The following HEATR1 variants were observed in gnomAD, a reference collection of about 807,000 sequenced individuals.
The protein encoded by HEATR1 is HEAT repeat containing 1.
Under a neutral mutation model 248.2 loss-of-function variants are expected in HEATR1, and 77 were observed. The observed-to-expected ratio is 0.31, with a 90% CI of 0.26 to 0.37. HEATR1 has a LOEUF of 0.37. Among genes scored for constraint, HEATR1 ranks in the 10% least tolerant of loss-of-function variants. The probability of loss-of-function intolerance (pLI) is 1.00; values close to 1 mark genes in which losing one functional copy is unlikely to be tolerated. For missense variants in HEATR1, 2,420 were observed against 2,504.9 expected (o/e 0.97, Z 0.72); for synonymous variants, 897 against 923.1 (o/e 0.97, Z 0.51).
chr1:236,583,350 G>A (rs1663804322), intron 17 of HEATR1, among the ~76,000 whole-genome samples, 154 bp from the exon 18 acceptor site: 4 of 152,122 alleles, frequency 2.6e-5, no homozygotes, highest in African/African-American at 9.6e-5. Context: ...TTTTTAAAGA[G>A]GTTTATCACT....
rs777828968 is a variant in HEATR1, at chr1:236,554,587, T to G, written c.6078+11A>C. 6.2e-7 allele frequency: 1 copy of G among 1,609,256 alleles called. No individual in the cohort carries two copies. The highest frequency in any genetic ancestry group is 1.3e-5 in the African/African-American group (1 of 74,704). Reference sequence around the variant, plus strand: ...CTTCCTCAGCAACGAAAGATGATTCTGTTTGGTTACCTGATCCACCAGAGG... The same window carrying G: ...CTTCCTCAGCAACGAAAGATGATTCGGTTTGGTTACCTGATCCACCAGAGG... On this transcript the variant is annotated intron_variant, in intron 42 of 44. Transcript: ENST00000366582.
intron 2 of HEATR1, 92 bp downstream of exon 2, chr1:236,603,862 G>C (rs558550671): frequency 7.4e-7 from 1 of 1,349,794 alleles, no homozygotes; most frequent in Non-Finnish European, 1.0e-6. Context: ...AAGAGGACGG[G>C]ACAGAAGAGA....
intron 16 of HEATR1, 152 bp from the exon 17 acceptor site, chr1:236,585,368 G>T: frequency 1.8e-6 from 1 of 550,708 alleles, no homozygotes; most frequent in Non-Finnish European, 3.0e-6. Context: ...TGATTTCTAA[G>T]TAATTATAAG....
chr1:236,562,960 T>G (rs1663171767), intron 32 of HEATR1, among the ~76,000 whole-genome samples: 1 of 152,210 alleles, frequency 6.6e-6, no homozygotes, highest in African/African-American at 2.4e-5. Flanking sequence ...GACTAATTAG[T>G]TCAGCCAGCC....
At chr1:236,577,675 A>G (rs1663601425) in intron 20 of HEATR1, among the ~76,000 whole-genome samples, 1 of 151,624 alleles carries the variant, frequency 6.6e-6, no homozygotes, top group Admixed American at 6.6e-5. Flanking sequence ...TTTAGTAGAG[A>G]CGGGGTTTCT....
intron 10 of HEATR1, among the ~76,000 whole-genome samples, 191 bp from the exon 11 acceptor site, chr1:236,592,301 T>G (rs1337411666): frequency 1.3e-5 from 2 of 152,162 alleles, no homozygotes; most frequent in South Asian, 2.1e-4. Flanking sequence ...AATAACAAAA[T>G]AGTCTCTCTA....
Position 236,595,428 on chromosome 1 carries a change from A to T in HEATR1, c.1090+112T>A. The T allele has an allele frequency of 2.3e-6, 2 of 876,782 alleles. 1 individual carries two copies. The allele number at this position is 876,782 out of a possible 1,614,324, so 54.3% of individuals were successfully genotyped here. A position where few individuals can be genotyped will look rare whatever the true frequency, so the allele number is the denominator to read the frequency against. On this transcript the variant is annotated intron_variant, in intron 8 of 44. Coordinates refer to ENST00000366582, the MANE Select transcript of HEATR1 (RefSeq NM_018072.6). ...TAAGAAATAGACAAGTTACACAAGA[A>T]CAACTGGAAAACAGAAATTTTAAAT... is the stretch of plus-strand genomic sequence containing the variant.
chr1:236,570,657 T>G (rs1663402817), intron 28 of HEATR1, among the ~76,000 whole-genome samples: 1 of 152,170 alleles, frequency 6.6e-6, no homozygotes, highest in Non-Finnish European at 1.5e-5. Flanking sequence ...GCATCTGAAC[T>G]ATATTTCAAT....
chr1:236,585,128 G>C lies in HEATR1; in HGVS notation c.2138C>G (p.Ser713Cys), dbSNP rs376992643. The C allele has an allele frequency of 1.3e-5, 21 of 1,614,032 alleles. No individual in the cohort carries two copies. Among genetic ancestry groups the C allele is most frequent in the Non-Finnish European group, 1.8e-5 (21 of 1,179,942 alleles). The change falls in exon 17 of 45, where the codon TCT (serine) becomes TGT (cysteine). Residue 713 changes from serine to cysteine, a missense_variant. Ser to Cys is a moderately radical substitution (Grantham distance 112). Transcript: ENST00000366582. ...GGTTTCTTTTAAAGATGAACAACAA[G>C]AGACGAGCACAGACAGGATCACATG... is the stretch of plus-strand genomic sequence containing the variant. ...TFHVILSVLVSCCSSLKETHF... is the reference protein window; with the variant it reads ...TFHVILSVLVCCCSSLKETHF...
intron 20 of HEATR1, 38 bp downstream of exon 20, chr1:236,581,184 T>C (rs559675033): frequency 2.0e-6 from 3 of 1,486,944 alleles, no homozygotes; most frequent in East Asian, 2.3e-5. Flanking sequence ...GCATGAACAG[T>C]TGGTCATGAC....
intron 41 of HEATR1, among the ~76,000 whole-genome samples, chr1:236,555,044 TACTTCCAGTA>T (rs997692922): frequency 8.5e-5 from 13 of 152,236 alleles, no homozygotes; most frequent in African/African-American, 2.9e-4. Context: ...GTTTTAAAGT[TACTTCCAGTA>T]ACTGACAGTA....
chr1:236,564,460 G>C, intron 32 of HEATR1, 38 bp downstream of exon 32: 1 of 1,589,692 alleles, frequency 6.3e-7, no homozygotes, highest in Non-Finnish European at 8.6e-7. Context: ...GGAGACAGCA[G>C]AATACCTTTT....
At chr1:236,583,224 G>A in intron 17 of HEATR1, 28 bp from the exon 18 acceptor site, 1 of 1,555,480 alleles carries the variant, frequency 6.4e-7, no homozygotes. Context: ...ACAAAAACTA[G>A]TACAAACTAA....
At position 236,555,557 on chromosome 1, in the gene HEATR1, G is replaced by A. The variant is rs1246247491; in HGVS notation, c.5748C>T (p.Phe1916=). The stretch of plus-strand genomic sequence containing the variant: ...AAGAGGAAGAAAGCGTCACCTTGAA[G>A]AACAGGGGCCTGAATGTGACCTCGG... The part of the protein sequence containing the change: ...KLSEVTFRPL[F]FKLFDWAKTE... Residue 1916 remains phenylalanine, a synonymous_variant, in exon 40 of 45, where the codon TTC becomes TTT. Coordinates refer to ENST00000366582, the MANE Select transcript of HEATR1 (RefSeq NM_018072.6). 3 of 1,614,052 alleles carry A rather than the reference G, an allele frequency of 1.9e-6. No individual in the cohort carries two copies. The highest frequency in any genetic ancestry group is 2.5e-6 in the Non-Finnish European group (3 of 1,180,010).
intron 2 of HEATR1, 115 bp downstream of exon 2, chr1:236,603,839 G>A (rs1241045272): frequency 3.5e-6 from 4 of 1,133,914 alleles, no homozygotes; most frequent in East Asian, 5.2e-5. Flanking sequence ...CAACATGCTA[G>A]AAACTGCTAA....
intron 30 of HEATR1, 72 bp from the exon 31 acceptor site, chr1:236,566,117 C>A: frequency 6.9e-7 from 1 of 1,456,044 alleles, no homozygotes; most frequent in Non-Finnish European, 9.4e-7. Flanking sequence ...GGATAATGTG[C>A]GTTAGGATTT....
At chr1:236,578,383 G>A (rs1663622769) in intron 20 of HEATR1, among the ~76,000 whole-genome samples, 1 of 152,138 alleles carries the variant, frequency 6.6e-6, no homozygotes, top group South Asian at 2.1e-4. Flanking sequence ...CTAGAATCAT[G>A]TTCAATGAGA....
intron 8 of HEATR1, among the ~76,000 whole-genome samples, chr1:236,594,362 A>G (rs1042275612): frequency 2.0e-5 from 3 of 152,214 alleles, no homozygotes; most frequent in African/African-American, 4.8e-5. Flanking sequence ...TATCATGCTT[A>G]TAACAATAAC....
chr1:236,597,932 G>C lies in HEATR1; in HGVS notation c.549C>G (p.Tyr183Ter). 6.2e-7 allele frequency: 1 copy of C among 1,613,734 alleles called. No homozygotes were observed. The highest frequency in any genetic ancestry group is 1.7e-4 in the Middle Eastern group (1 of 6,060). The stretch of plus-strand genomic sequence containing the variant: ...TGAAATCCATGAATCCAAGATCTTT[G>C]TAGCAGTGGGTAATCAAAGTTCCTT... ...LAKGTLITHC[Y>*]KDLGFMDFIC... The change falls in exon 5 of 45, where the codon TAC becomes TAG. Residue 183 changes from tyrosine (Y) to a stop codon, truncating the protein, a stop_gained. Transcript: ENST00000366582. LOFTEE classifies it high-confidence loss of function.
Sources: gnomAD v4.1 joint callset for allele counts (sites outside exome capture counted in the v4.1 genomes callset) on GRCh38, gnomAD v4.1.1 for gene constraint, MANE v1.5 for transcripts, NCBI Gene and HGNC (gene_info 2026-07-23, HGNC 2026-07-21) for gene names.